Variants in GPHN observed in about 807,000 individuals in gnomAD.
The protein encoded by GPHN is gephyrin.
A neutral mutation model predicts 95.5 loss-of-function variants in GPHN; 17 were observed. The observed-to-expected ratio is 0.18, with a 90% confidence interval of 0.12 to 0.27. GPHN has a LOEUF of 0.27. Ranked by LOEUF, GPHN falls within the 10% of genes least tolerant of loss-of-function variation. GPHN has a pLI of 1.00. For synonymous variants in GPHN, 320 were observed against 322.5 expected, an observed-to-expected ratio of 0.99 and a Z score of 0.08; for missense variants, 660 against 978.1, an observed-to-expected ratio of 0.67 and a Z score of 4.34.
the GPHN span, among the ~76,000 whole-genome samples, chr14:67,504,439 T>A: frequency 6.6e-6 from 1 of 152,246 alleles, no homozygotes; most frequent in Admixed American, 6.5e-5. Context: ...TCAGTTGTTG[T>A]CACTAACCTT....
At chr14:67,691,338 G>T in the GPHN span, 1 of 763,862 alleles carries the variant, frequency 1.3e-6, no homozygotes, top group East Asian at 2.5e-5. Context: ...AAATGAGGAT[G>T]CAGGACTTCA....
At chr14:67,003,072 C>T (rs1001624797) in intron 9 of GPHN, among the ~76,000 whole-genome samples, 2 of 151,502 alleles carry the variant, frequency 1.3e-5, no homozygotes, top group Non-Finnish European at 3.0e-5. Flanking sequence ...TGCCAGGTGA[C>T]TATCTTCTCC....
At chr14:67,138,281 C>T (rs2080220877) in intron 17 of GPHN, among the ~76,000 whole-genome samples, 2 of 152,062 alleles carry the variant, frequency 1.3e-5, no homozygotes, top group Admixed American at 1.3e-4. Context: ...TTAGTATTGT[C>T]ATTAATTATA....
chr14:66,679,707 C>G (rs1463452394), intron 1 of GPHN, among the ~76,000 whole-genome samples: 1 of 152,138 alleles, frequency 6.6e-6, no homozygotes, highest in Non-Finnish European at 1.5e-5. Flanking sequence ...TTGCTGTATT[C>G]AGTCAGTTAT....
intron 4 of GPHN, among the ~76,000 whole-genome samples, chr14:66,876,416 A>C (rs1355149628): frequency 6.6e-6 from 1 of 152,144 alleles, no homozygotes; most frequent in African/African-American, 2.4e-5. Context: ...AAACTGAAGG[A>C]GATAGAGACA....
the GPHN span, chr14:67,205,144 C>T: frequency 4.8e-6 from 7 of 1,461,238 alleles, no homozygotes; most frequent in East Asian, 2.5e-5. Context: ...GAGGGGTTAC[C>T]GAGATCACAC....
intron 1 of GPHN, among the ~76,000 whole-genome samples, chr14:66,543,684 T>C (rs1020989437): frequency 2.0e-5 from 3 of 152,220 alleles, no homozygotes; most frequent in Non-Finnish European, 4.4e-5. Context: ...TTTTTCTAGT[T>C]GGGGCTATCC....
chr14:67,568,653 TG>T, the GPHN span, among the ~76,000 whole-genome samples: 1 of 152,212 alleles, frequency 6.6e-6, no homozygotes, highest in Admixed American at 6.5e-5. Context: ...TTTAAAAATG[TG>T]CCCTAAGTTC....
chr14:67,326,307 C>T, the GPHN span, among the ~76,000 whole-genome samples: 1 of 114,378 alleles, frequency 8.7e-6, no homozygotes, highest in Non-Finnish European at 1.6e-5. Flanking sequence ...GTGGCATGAT[C>T]ATAGCCTTGA....
At chr14:67,635,258 G>T in the GPHN span, among the ~76,000 whole-genome samples, 23 of 151,998 alleles carry the variant, frequency 1.5e-4, no homozygotes, top group African/African-American at 5.3e-4. Context: ...AAGAGAAAAG[G>T]TTCTTAAGGT....
At chr14:66,814,587 A>G (rs1257805089) in intron 3 of GPHN, among the ~76,000 whole-genome samples, 1 of 152,242 alleles carries the variant, frequency 6.6e-6, no homozygotes, top group African/African-American at 2.4e-5. Context: ...GGATTCTTCC[A>G]GTCAGCTGAA....
chr14:67,642,788 A>ATTTTTTTTTTTT, the GPHN span, among the ~76,000 whole-genome samples: 3 of 33,734 alleles, frequency 8.9e-5, no homozygotes, highest in African/African-American at 1.7e-4. Context: ...ATGTTACTAC[A>ATTTTTTTTTTTT]TTTTCTTTTT....
chr14:67,078,265 T>G (rs2076569821), intron 11 of GPHN, among the ~76,000 whole-genome samples: 1 of 152,166 alleles, frequency 6.6e-6, no homozygotes, highest in Non-Finnish European at 1.5e-5. Context: ...TTTTGCTTAT[T>G]ATAAATGGGG....
the GPHN span, chr14:67,691,382 C>T: frequency 1.6e-6 from 1 of 625,808 alleles, no homozygotes; most frequent in South Asian, 2.0e-5. Flanking sequence ...TATTTATTTT[C>T]TATTGTTTTT....
chr14:67,689,926 C>T, the GPHN span, among the ~76,000 whole-genome samples: 12 of 151,160 alleles, frequency 7.9e-5, no homozygotes, highest in African/African-American at 2.9e-4. Flanking sequence ...GCATGGGTGA[C>T]AGAGCAAGAT....
chr14:67,202,937 G>A, the GPHN span: 6 of 332,174 alleles, frequency 1.8e-5, no homozygotes, highest in African/African-American at 8.9e-5. Context: ...TGTTCCCTGC[G>A]GTATCTCCAA....
chr14:66,657,019 G>T (rs922209594), intron 1 of GPHN, among the ~76,000 whole-genome samples: 5 of 152,118 alleles, frequency 3.3e-5, no homozygotes, highest in Non-Finnish European at 7.4e-5. Context: ...TAGGCCTCTC[G>T]CACCAAACAC....
intron 4 of GPHN, among the ~76,000 whole-genome samples, chr14:66,862,342 A>T (rs1357923356): frequency 6.6e-6 from 1 of 151,866 alleles, no homozygotes; most frequent in Non-Finnish European, 1.5e-5. Context: ...TTGAAGCTGT[A>T]AAAAAAAGTA....
intron 21 of GPHN, among the ~76,000 whole-genome samples, chr14:67,173,934 T>C (rs763651487): frequency 1.4e-4 from 21 of 151,904 alleles, no homozygotes; most frequent in Non-Finnish European, 2.8e-4. Flanking sequence ...AGAGCTTCAA[T>C]AACAGACTTT....
Sources: allele counts gnomAD v4.1 joint callset (sites outside exome capture counted in the v4.1 genomes callset), GRCh38; gene constraint gnomAD v4.1.1; transcripts MANE v1.5; gene names NCBI Gene and HGNC (gene_info 2026-07-23, HGNC 2026-07-21).